The following RHBDD1 variants were observed in gnomAD, a reference collection of about 807,000 sequenced individuals.
RHBDD1 encodes rhomboid-related protein 4.
In RHBDD1, 38 loss-of-function variants were observed where a neutral mutation model predicts 36.3. That is an observed-to-expected ratio of 1.05 (90% CI 0.81 to 1.37). The LOEUF (loss-of-function observed/expected upper bound fraction) is 1.37. Ranked by LOEUF, RHBDD1 falls within the 40% of genes most tolerant of loss-of-function variation. RHBDD1 has a pLI of 0.00. For missense variants in RHBDD1, 393 were observed against 377.6 expected (o/e 1.04, Z -0.34); for synonymous variants, 151 against 136.5 (o/e 1.11, Z -0.74).
chr2:226,832,980 C>CAAAAAAAAGAAA (rs1940779767), upstream of RHBDD1, among the ~76,000 whole-genome samples: 4 of 150,402 alleles, frequency 2.7e-5, no homozygotes, highest in African/African-American at 9.8e-5. Flanking sequence ...CATTGCACTT[C>CAAAAAAAAGAAA]AAAAAAAAGA....
chr2:226,878,456 A>G (rs1014507337), intron 5 of RHBDD1, among the ~76,000 whole-genome samples: 63 of 152,206 alleles, frequency 4.1e-4, no homozygotes, highest in Admixed American at 5.2e-4. Flanking sequence ...GCTGTAACCA[A>G]TAGAATCCAG....
At chr2:226,851,692 G>A (rs1942832242) in intron 3 of RHBDD1, among the ~76,000 whole-genome samples, 1 of 152,068 alleles carries the variant, frequency 6.6e-6, no homozygotes, top group African/African-American at 2.4e-5. Flanking sequence ...TGAATTAATT[G>A]TGAATCTTAT....
chr2:226,921,133 A>G (rs1949276805), intron 8 of RHBDD1, among the ~76,000 whole-genome samples: 1 of 152,086 alleles, frequency 6.6e-6, no homozygotes, highest in Non-Finnish European at 1.5e-5. Flanking sequence ...TAGGTTTTCC[A>G]ATTTATTGGC....
intron 3 of RHBDD1, among the ~76,000 whole-genome samples, chr2:226,852,901 TTTATTATTATTATTATTA>T (rs34006366): frequency 5.6e-5 from 7 of 125,204 alleles, no homozygotes; most frequent in Non-Finnish European, 9.8e-5. Flanking sequence ...ACCTGGCTAA[TTTATTATTATTATTATTA>T]TTATTATTAT....
At chr2:226,806,056 T>C in the RHBDD1 span, among the ~76,000 whole-genome samples, 2 of 152,160 alleles carry the variant, frequency 1.3e-5, no homozygotes, top group Admixed American at 1.3e-4. Flanking sequence ...TCTCCTCAAC[T>C]GCAAGGTTAA....
chr2:226,824,007 T>C, the RHBDD1 span, among the ~76,000 whole-genome samples: 1 of 152,110 alleles, frequency 6.6e-6, no homozygotes, highest in Non-Finnish European at 1.5e-5. Flanking sequence ...GGGATTAAGG[T>C]TCTAACACAA....
chr2:226,848,710 C>T (rs1942483781), intron 3 of RHBDD1, among the ~76,000 whole-genome samples: 1 of 152,088 alleles, frequency 6.6e-6, no homozygotes. Context: ...TTTGGTGGGA[C>T]TCTGAGTGTA....
intron 8 of RHBDD1, among the ~76,000 whole-genome samples, chr2:226,941,613 G>A (rs1476787813): frequency 6.6e-6 from 1 of 152,202 alleles, no homozygotes; most frequent in Non-Finnish European, 1.5e-5. Flanking sequence ...AGATGAAAAT[G>A]GTACTTGAGC....
At chr2:226,890,167 C>A (rs994278347) in intron 5 of RHBDD1, among the ~76,000 whole-genome samples, 6 of 152,148 alleles carry the variant, frequency 3.9e-5, no homozygotes, top group Non-Finnish European at 8.8e-5. Flanking sequence ...TGACAATTTA[C>A]TGAATAAAAT....
rs75020241 is a variant in RHBDD1 at position 226,917,411 on chromosome 2, T to A, written c.856+3060T>A. Among the ~76,000 whole-genome samples the A allele has an allele frequency of 9.4e-3, 1,433 of 152,252 alleles. 13 individuals carry two copies. The highest frequency in any genetic ancestry group is 0.031 in the Middle Eastern group (9 of 294). On this transcript the variant is annotated intron_variant, in intron 8 of 8. Coordinates refer to ENST00000392062, the MANE Select transcript of RHBDD1 (RefSeq NM_001167608.3). ...CATTTCAGTTAAGAAATGAATAATT[T>A]TTACTTTAAAAAAAAGATTTTTACA...
chr2:226,800,491 G>A, the RHBDD1 span, among the ~76,000 whole-genome samples: 2 of 152,214 alleles, frequency 1.3e-5, no homozygotes, highest in African/African-American at 4.8e-5. Flanking sequence ...TCCCCAGGAA[G>A]TGTCTCACGT....
At chr2:226,981,427 T>C (rs1470491641) in intron 8 of RHBDD1, among the ~76,000 whole-genome samples, 1 of 151,478 alleles carries the variant, frequency 6.6e-6, no homozygotes, top group Non-Finnish European at 1.5e-5. Context: ...AAGGAGCTCA[T>C]TGAACTTCAA....
intron 8 of RHBDD1, among the ~76,000 whole-genome samples, chr2:226,969,784 C>T (rs890337906): frequency 4.6e-5 from 7 of 152,124 alleles, no homozygotes; most frequent in Non-Finnish European, 1.5e-5. Flanking sequence ...TGTTTGAAGT[C>T]ATTTTAGAGT....
At chr2:226,868,974 G>T (rs761761181) in intron 5 of RHBDD1, among the ~76,000 whole-genome samples, 2 of 152,172 alleles carry the variant, frequency 1.3e-5, no homozygotes, top group African/African-American at 4.8e-5. Flanking sequence ...TTGGTTCTCT[G>T]TGTCAATGAT....
At chr2:226,981,578 A>ACG (rs1955772275) in intron 8 of RHBDD1, among the ~76,000 whole-genome samples, 2 of 151,614 alleles carry the variant, frequency 1.3e-5, no homozygotes, top group South Asian at 2.1e-4. Flanking sequence ...ATACACACAC[A>ACG]CACACACACT....
chr2:226,921,576 A>G (rs1288223572), intron 8 of RHBDD1, among the ~76,000 whole-genome samples: 1 of 152,026 alleles, frequency 6.6e-6, no homozygotes, highest in Non-Finnish European at 1.5e-5. Context: ...TTCCTTCTTA[A>G]TTTCCTCATT....
chr2:226,956,246 G>A (rs528632821), intron 8 of RHBDD1, among the ~76,000 whole-genome samples: 3 of 152,186 alleles, frequency 2.0e-5, no homozygotes, highest in East Asian at 1.9e-4. Context: ...AGCCGTGCCC[G>A]CCTCCATCCT....
At chr2:226,948,227 C>G (rs1174945010) in intron 8 of RHBDD1, among the ~76,000 whole-genome samples, 1 of 146,976 alleles carries the variant, frequency 6.8e-6, no homozygotes, top group Non-Finnish European at 1.5e-5. Context: ...CCATGGAATA[C>G]TATGCAGCCA....
chr2:226,856,572 A>G (rs988845496), intron 3 of RHBDD1, among the ~76,000 whole-genome samples: 1 of 152,230 alleles, frequency 6.6e-6, no homozygotes, highest in Non-Finnish European at 1.5e-5. Flanking sequence ...AGTTTGGGCT[A>G]GAAAAGCCAT....
Sources: allele counts gnomAD v4.1 joint callset (sites outside exome capture counted in the v4.1 genomes callset), GRCh38; gene constraint gnomAD v4.1.1; transcripts MANE v1.5; gene names NCBI Gene and HGNC (gene_info 2026-07-23, HGNC 2026-07-21).